DAB1: variants seen among roughly 807,000 people sequenced by gnomAD.
DAB1 encodes the protein disabled homolog 1.
A neutral mutation model predicts 64.6 loss-of-function variants in DAB1; 15 were observed. That is an observed-to-expected ratio of 0.23 (90% CI 0.16 to 0.36). DAB1 has a LOEUF of 0.36. Ranked by LOEUF, DAB1 falls within the 10% of genes least tolerant of loss-of-function variation. The pLI, the probability that DAB1 is intolerant of heterozygous loss-of-function variation, is 1.00. For missense variants in DAB1, 596 were observed against 706.7 expected (o/e 0.84, Z 1.78); for synonymous variants, 235 against 251.9 (o/e 0.93, Z 0.64).
intron 4 of DAB1, among the ~76,000 whole-genome samples, chr1:57,123,106 T>G (rs1272608464): frequency 6.6e-6 from 1 of 152,194 alleles, no homozygotes; most frequent in African/African-American, 2.4e-5. Context: ...TAATAAAGAT[T>G]GTCAAGTTTT....
intron 3 of DAB1, among the ~76,000 whole-genome samples, chr1:58,438,438 C>T (rs995186282): frequency 6.6e-6 from 1 of 152,126 alleles, no homozygotes; most frequent in Non-Finnish European, 1.5e-5. Context: ...GGGTTCCGGG[C>T]AGTTGTGCAG....
At chr1:57,390,246 G>A (rs1349680035) in intron 1 of DAB1, among the ~76,000 whole-genome samples, 2 of 152,194 alleles carry the variant, frequency 1.3e-5, no homozygotes, top group Non-Finnish European at 2.9e-5. Context: ...CAGAAGACCT[G>A]ATGGGATTCA....
At chr1:57,495,367 T>A (rs1276064166) in intron 7 of DAB1, among the ~76,000 whole-genome samples, 1 of 152,218 alleles carries the variant, frequency 6.6e-6, no homozygotes, top group Non-Finnish European at 1.5e-5. Flanking sequence ...TGCATTTGTA[T>A]CCAAATATCA....
chr1:57,496,816 G>A (rs1231732041), intron 7 of DAB1, among the ~76,000 whole-genome samples: 2 of 152,202 alleles, frequency 1.3e-5, no homozygotes, highest in African/African-American at 2.4e-5. Flanking sequence ...GCTAGTGGCA[G>A]AACTGGGATT....
chr1:57,921,848 A>T (rs1322889445), intron 5 of DAB1, among the ~76,000 whole-genome samples: 1 of 152,152 alleles, frequency 6.6e-6, no homozygotes, highest in Non-Finnish European at 1.5e-5. Context: ...TAAGGACCCC[A>T]ATGGCTGTGG....
chr1:57,631,278 G>A (rs1366394071), intron 7 of DAB1, among the ~76,000 whole-genome samples: 1 of 152,154 alleles, frequency 6.6e-6, no homozygotes, highest in Admixed American at 6.5e-5. Context: ...AATATTTAGG[G>A]TTAGCTCTTA....
chr1:58,491,709 A>T (rs1022133136), intron 3 of DAB1, among the ~76,000 whole-genome samples: 1 of 152,230 alleles, frequency 6.6e-6, no homozygotes, highest in Non-Finnish European at 1.5e-5. Flanking sequence ...CAACAAGAAG[A>T]GCTAACTATC....
chr1:58,048,360 A>G (rs565890728), intron 5 of DAB1: 94 of 975,206 alleles, frequency 9.6e-5, no homozygotes, highest in Non-Finnish European at 1.5e-4. Context: ...AAATCACTGT[A>G]GCTTCCACCA....
chr1:58,358,637 C>T (rs185087928), intron 3 of DAB1, among the ~76,000 whole-genome samples: 25 of 152,080 alleles, frequency 1.6e-4, no homozygotes, highest in African/African-American at 5.1e-4. Flanking sequence ...ATGAAGAAAA[C>T]GATGGTGATA....
chr1:57,086,707 G>T (rs512191), intron 4 of DAB1, among the ~76,000 whole-genome samples: 2,017 of 149,478 alleles, frequency 0.013, 25 homozygotes, highest in Middle Eastern at 0.034. Flanking sequence ...CCTGAATGGC[G>T]GGGGGAGGGG....
At chr1:57,701,346 C>G (rs2101730766) in intron 6 of DAB1, among the ~76,000 whole-genome samples, 1 of 152,228 alleles carries the variant, frequency 6.6e-6, no homozygotes, top group Middle Eastern at 3.4e-3. Flanking sequence ...AAATGTGGCA[C>G]ATATACAGCA....
chr1:58,429,611 GC>G (rs1221987079), intron 3 of DAB1, among the ~76,000 whole-genome samples: 2 of 152,190 alleles, frequency 1.3e-5, no homozygotes, highest in Non-Finnish European at 2.9e-5. Flanking sequence ...CCAAGAAAGG[GC>G]TTCCTGTGGA....
intron 1 of DAB1, among the ~76,000 whole-genome samples, chr1:58,537,872 T>C (rs1193542407): frequency 6.6e-6 from 1 of 152,126 alleles, no homozygotes; most frequent in Non-Finnish European, 1.5e-5. Flanking sequence ...TTTTAGGTGA[T>C]CAACAATAGT....
intron 2 of DAB1, among the ~76,000 whole-genome samples, chr1:57,273,710 C>A (rs1339867905): frequency 6.6e-6 from 1 of 150,640 alleles, no homozygotes; most frequent in Non-Finnish European, 1.5e-5. Flanking sequence ...CCGCCCCTGG[C>A]TGCTTCCCTA....
chr1:58,056,065 T>A (rs2406588), intron 5 of DAB1: 9 of 830,708 alleles, frequency 1.1e-5, no homozygotes, highest in African/African-American at 1.8e-5. Flanking sequence ...TTTTTTTTTT[T>A]AAGTACAATT....
At chr1:58,147,156 A>G (rs1426399095) in intron 5 of DAB1, among the ~76,000 whole-genome samples, 1 of 151,900 alleles carries the variant, frequency 6.6e-6, no homozygotes, top group Non-Finnish European at 1.5e-5. Context: ...AAAATACAAA[A>G]ATTAGCCGGG....
chr1:57,734,220 C>T (rs1233274573), intron 6 of DAB1, among the ~76,000 whole-genome samples: 2 of 152,202 alleles, frequency 1.3e-5, no homozygotes, highest in African/African-American at 4.8e-5. Context: ...CACCTCACTG[C>T]TCTGAACCCA....
chr1:57,536,274 T>A (rs1018539562), intron 7 of DAB1, among the ~76,000 whole-genome samples: 4 of 152,202 alleles, frequency 2.6e-5, no homozygotes, highest in African/African-American at 9.7e-5. Context: ...ATCCCTCAAC[T>A]GATCCATGAA....
At chr1:58,427,079 T>C (rs558874649) in intron 3 of DAB1, among the ~76,000 whole-genome samples, 6 of 152,174 alleles carry the variant, frequency 3.9e-5, no homozygotes, top group African/African-American at 1.2e-4. Flanking sequence ...GGGAGACCAG[T>C]GTACATGGAG....
Sources: allele counts gnomAD v4.1 joint callset (sites outside exome capture counted in the v4.1 genomes callset), GRCh38; gene constraint gnomAD v4.1.1; transcripts MANE v1.5; gene names NCBI Gene and HGNC (gene_info 2026-07-23, HGNC 2026-07-21).